The following NELL2 variants were observed in gnomAD, a reference collection of about 807,000 sequenced individuals.
NELL2 encodes neural EGFL like 2.
Under a neutral mutation model 109.6 loss-of-function variants are expected in NELL2, and 41 were observed. The ratio of observed to expected loss-of-function variants is 0.37; its 90% CI spans 0.29 to 0.49. The LOEUF is 0.49. Among genes scored for constraint, NELL2 ranks in the 20% least tolerant of loss-of-function variants. The probability of loss-of-function intolerance (pLI) is 0.98; values close to 1 mark genes in which losing one functional copy is unlikely to be tolerated. For synonymous variants in NELL2, 355 were observed against 344.7 expected (o/e 1.03, Z -0.33); for missense variants, 900 against 1,008.3 (o/e 0.89, Z 1.45).
chr12:44,856,929 G>C (rs1944702076), intron 2 of NELL2, among the ~76,000 whole-genome samples: 2 of 152,132 alleles, frequency 1.3e-5, no homozygotes, highest in South Asian at 4.1e-4. Context: ...TACTTAGGAG[G>C]CTACTGCAGT....
intron 15 of NELL2, among the ~76,000 whole-genome samples, chr12:44,577,748 G>C (rs148288355): frequency 1.1e-4 from 17 of 152,152 alleles, no homozygotes; most frequent in Non-Finnish European, 1.9e-4. Context: ...AGAGTGCTAG[G>C]ATTACAGGCA....
At chr12:44,525,449 A>G (rs117689223) in intron 16 of NELL2, among the ~76,000 whole-genome samples, 1 of 152,318 alleles carries the variant, frequency 6.6e-6, no homozygotes, top group East Asian at 1.9e-4. Context: ...TTGCTATCCA[A>G]GGAGTTTGAG....
At chr12:44,639,471 A>G (rs1946770669) in intron 13 of NELL2, among the ~76,000 whole-genome samples, 1 of 152,116 alleles carries the variant, frequency 6.6e-6, no homozygotes, top group South Asian at 2.1e-4. Context: ...ACAAGACCTT[A>G]AGTTCCTTCA....
chr12:44,518,765 C>A (rs1170165703), intron 19 of NELL2, among the ~76,000 whole-genome samples: 2 of 152,078 alleles, frequency 1.3e-5, no homozygotes, highest in Non-Finnish European at 2.9e-5. Context: ...GAAAGTATTT[C>A]CCTGTTAGTC....
intron 15 of NELL2, among the ~76,000 whole-genome samples, chr12:44,587,838 G>A (rs1565975310): frequency 6.6e-6 from 1 of 152,046 alleles, no homozygotes; most frequent in Non-Finnish European, 1.5e-5. Flanking sequence ...CAAAATTTTT[G>A]GATTGAAAAT....
intron 15 of NELL2, among the ~76,000 whole-genome samples, chr12:44,566,947 G>A (rs990381631): frequency 1.3e-5 from 2 of 152,012 alleles, no homozygotes; most frequent in Non-Finnish European, 2.9e-5. Flanking sequence ...TAGTAGCTGG[G>A]ATTACAAACG....
At chr12:44,631,311 G>C (rs1404442173) in intron 13 of NELL2, among the ~76,000 whole-genome samples, 1 of 150,918 alleles carries the variant, frequency 6.6e-6, no homozygotes, top group East Asian at 1.9e-4. Flanking sequence ...AGTTCCACAT[G>C]TTATGGGGAA....
intron 12 of NELL2, among the ~76,000 whole-genome samples, chr12:44,702,498 T>G (rs369089843): frequency 2.0e-5 from 3 of 152,324 alleles, no homozygotes; most frequent in African/African-American, 7.2e-5. Flanking sequence ...ATTTGTATCA[T>G]GTAGTTTCAT....
chr12:44,557,028 A>G (rs548203372), intron 15 of NELL2, among the ~76,000 whole-genome samples: 1 of 152,284 alleles, frequency 6.6e-6, no homozygotes, highest in East Asian at 1.9e-4. Context: ...CAAGCTTTTG[A>G]GTAGAGTGTT....
chr12:44,795,867 G>A (rs1027448238), intron 3 of NELL2, among the ~76,000 whole-genome samples: 6 of 152,162 alleles, frequency 3.9e-5, no homozygotes, highest in Admixed American at 2.0e-4. Context: ...GGGAGAGCAA[G>A]TAGAAAAGGG....
At chr12:44,557,865 C>T (rs149605625) in intron 15 of NELL2, among the ~76,000 whole-genome samples, 7 of 152,052 alleles carry the variant, frequency 4.6e-5, no homozygotes, top group African/African-American at 1.4e-4. Context: ...AAGGGCACCC[C>T]GAGCAGTAAA....
At chr12:44,552,730 G>C (rs896073728) in intron 15 of NELL2, among the ~76,000 whole-genome samples, 1 of 152,066 alleles carries the variant, frequency 6.6e-6, no homozygotes, top group African/African-American at 2.4e-5. Context: ...AGTTACTTGT[G>C]TTTACATTTT....
intron 13 of NELL2, among the ~76,000 whole-genome samples, chr12:44,636,661 G>C (rs1325530105): frequency 6.6e-6 from 1 of 152,130 alleles, no homozygotes; most frequent in African/African-American, 2.4e-5. Context: ...TAAGCTTTTT[G>C]ATGTGCTGCT....
intron 1 of NELL2, among the ~76,000 whole-genome samples, chr12:44,895,883 C>T (rs1238273643): frequency 6.6e-6 from 1 of 152,108 alleles, no homozygotes; most frequent in Non-Finnish European, 1.5e-5. Flanking sequence ...TATCATCTAA[C>T]ACATTTACAC....
chr12:44,618,681 C>G (rs1397243180), intron 13 of NELL2, among the ~76,000 whole-genome samples: 1 of 151,942 alleles, frequency 6.6e-6, no homozygotes, highest in Non-Finnish European at 1.5e-5. Flanking sequence ...GATCTGTGAC[C>G]CCAAGGAACT....
chr12:44,724,745 GA>G (rs539460258), intron 9 of NELL2, among the ~76,000 whole-genome samples: 12 of 82,434 alleles, frequency 1.5e-4, no homozygotes, highest in South Asian at 7.1e-4. Flanking sequence ...CACAGAACTA[GA>G]AAAAAAAAAC....
chr12:44,614,267 A>G (rs1945737258), intron 13 of NELL2, among the ~76,000 whole-genome samples: 1 of 152,074 alleles, frequency 6.6e-6, no homozygotes, highest in Admixed American at 6.6e-5. Context: ...GGTTATTTTA[A>G]TCAGAATTTA....
chr12:44,593,711 A>G (rs533406620), intron 15 of NELL2, among the ~76,000 whole-genome samples: 15 of 152,304 alleles, frequency 9.8e-5, no homozygotes, highest in African/African-American at 3.6e-4. Context: ...TTACACTCCC[A>G]TCAACAGTGT....
chr12:44,575,943 A>G (rs549207845), intron 15 of NELL2, among the ~76,000 whole-genome samples: 1 of 152,274 alleles, frequency 6.6e-6, no homozygotes, highest in South Asian at 2.1e-4. Context: ...CCTACAAGCC[A>G]TCATAGTTTG....
Sources: allele counts gnomAD v4.1 joint callset (sites outside exome capture counted in the v4.1 genomes callset), GRCh38; gene constraint gnomAD v4.1.1; transcripts MANE v1.5; gene names NCBI Gene and HGNC (gene_info 2026-07-23, HGNC 2026-07-21).